The following CDH23 variants were observed in gnomAD, a reference collection of about 807,000 sequenced individuals.
CDH23 encodes the protein cadherin related 23.
In CDH23, 189 loss-of-function variants were observed where a neutral mutation model predicts 317.1. The ratio of observed to expected loss-of-function variants is 0.60; its 90% CI spans 0.53 to 0.67. The LOEUF is 0.67. Among genes scored for constraint, CDH23 ranks in the 30% least tolerant of loss-of-function variants. CDH23 has a pLI of 0.00. For synonymous variants in CDH23, 1,839 were observed against 1,876.8 expected (o/e 0.98, Z 0.52); for missense variants, 4,401 against 4,592.4 (o/e 0.96, Z 1.20).
At chr10:71,415,912 A>G (rs1455445892) in intron 1 of CDH23, among the ~76,000 whole-genome samples, 1 of 152,232 alleles carries the variant, frequency 6.6e-6, no homozygotes, top group Non-Finnish European at 1.5e-5. Flanking sequence ...ATGGCCCAGC[A>G]TGGGGAATTT....
chr10:71,728,250 T>C (rs772910293), intron 30 of CDH23, among the ~76,000 whole-genome samples: 1 of 152,102 alleles, frequency 6.6e-6, no homozygotes, highest in African/African-American at 2.4e-5. Flanking sequence ...AAGCCAAATT[T>C]AGGTTCCAGC....
rs483353051 is a variant in CDH23, at chr10:71,732,200, C to T, written c.3929C>T (p.Ala1310Val). The T allele has an allele frequency of 6.2e-7, 1 of 1,613,836 alleles. No individual in the cohort carries two copies. Among genetic ancestry groups the T allele is most frequent in the Middle Eastern group, 1.6e-4 (1 of 6,062 alleles). ...YITLLNELDE[A>V]VQFSNASYEA... Reference sequence around the variant, plus strand: ...ACTCTGCTCAACGAGCTGGACGAGGCCGTGCAGTTCTCCAATGCCTCATAC... The same window carrying T: ...ACTCTGCTCAACGAGCTGGACGAGGTCGTGCAGTTCTCCAATGCCTCATAC... Residue 1310 changes from alanine (A) to valine (V), a missense_variant, in exon 32 of 70, where the codon GCC becomes GTC. Physicochemically the swap from Ala to Val is moderately conservative, Grantham distance 64. This residue lies in a region of CDH23 where 3,068 missense variants were observed against 3,203.3 expected (regional missense o/e 0.96). Coordinates refer to ENST00000224721, the MANE Select transcript of CDH23 (RefSeq NM_022124.6).
rs757060803 is a variant in CDH23 at position 71,484,507 on chromosome 10, C to T, written c.146-25575C>T. On this transcript the variant is annotated intron_variant, in intron 3 of 69. Coordinates refer to ENST00000224721, the MANE Select transcript of CDH23 (RefSeq NM_022124.6). ...GCTGGGGAGGCTGGCACTCCCTGGG[C>T]CCCGGCGTTTGTGTGGCACTCAGGG... Among the ~76,000 whole-genome samples, 5 of 152,268 alleles carry T rather than the reference C, an allele frequency of 3.3e-5. No individual in the cohort carries two copies. In the South Asian group the frequency reaches 6.2e-4, roughly 19 times the overall value.
At chr10:71,404,717 T>C (rs1473546513) in intron 1 of CDH23, among the ~76,000 whole-genome samples, 2 of 152,236 alleles carry the variant, frequency 1.3e-5, no homozygotes, top group Non-Finnish European at 2.9e-5. Flanking sequence ...GGCCTGGCCC[T>C]GCAATCAGCC....
intron 6 of CDH23, among the ~76,000 whole-genome samples, chr10:71,546,264 C>G (rs1589190821): frequency 6.6e-6 from 1 of 152,318 alleles, no homozygotes; most frequent in East Asian, 1.9e-4. Flanking sequence ...ATCTTCCTCT[C>G]TACCTTTAGA....
At chr10:71,577,181 C>T (rs1175635583) in intron 8 of CDH23, among the ~76,000 whole-genome samples, 1 of 152,170 alleles carries the variant, frequency 6.6e-6, no homozygotes, top group East Asian at 1.9e-4. Context: ...CTCAGATGTT[C>T]TTGACTTCAT....
chr10:71,540,692 G>T (rs144556785), intron 6 of CDH23, among the ~76,000 whole-genome samples: 2 of 152,096 alleles, frequency 1.3e-5, no homozygotes, highest in African/African-American at 4.8e-5. Flanking sequence ...GCCGACCAGG[G>T]CCCCAGCTGA....
At chr10:71,778,834 C>A (rs1840880658) in intron 40 of CDH23, among the ~76,000 whole-genome samples, 1 of 152,206 alleles carries the variant, frequency 6.6e-6, no homozygotes, top group Admixed American at 6.5e-5. Flanking sequence ...CAGCTCACTG[C>A]AGACTCGACC....
At position 71,751,708 on chromosome 10, in the gene CDH23, CAG is replaced by C. The variant is rs1213829448; in HGVS notation, c.4845+9788_4845+9789del. 19 of 1,567,486 alleles carry C rather than the reference CAG, an allele frequency of 1.2e-5. No homozygotes were observed. Among genetic ancestry groups the C allele is most frequent in the Middle Eastern group, 2.0e-4 (1 of 4,942 alleles). Reference sequence around the variant, plus strand: ...AGACGTCTCCGGGGCCTGGAGGAGACAGGGGGGTGCTGGGCTCCGAAAGCAGA... The same window carrying C: ...AGACGTCTCCGGGGCCTGGAGGAGACGGGGGTGCTGGGCTCCGAAAGCAGA... On this transcript the variant is annotated intron_variant, in intron 38 of 69. Coordinates refer to ENST00000224721, the MANE Select transcript of CDH23 (RefSeq NM_022124.6). The surrounding 1 kb of genome is among the most constrained non-coding windows in gnomAD (Gnocchi z 4.9).
rs776354402 is a variant in CDH23, at chr10:71,566,806, G to C, written c.494G>C (p.Gly165Ala). 2 of 1,613,694 alleles carry C rather than the reference G, an allele frequency of 1.2e-6. No homozygotes were observed. Among genetic ancestry groups the C allele is most frequent in the South Asian group, 2.2e-5 (2 of 91,078 alleles). The change falls in exon 7 of 70, where the codon GGC becomes GCC. Residue 165 changes from glycine (G) to alanine (A), a missense_variant. Around this residue, in one of 3 missense-constraint regions of CDH23, gnomAD observed 3,068 missense variants for 3,203.3 expected, o/e 0.96. Transcript: ENST00000224721. ...NATDPDLGAG[G>A]SVLYSFQPPS... ...ACAGACCCCGACTTGGGGGCAGGGG[G>C]CAGCGTCCTCTACTCCTTCCAGCCC...
chr10:71,479,713 G>A (rs140932293), intron 3 of CDH23, among the ~76,000 whole-genome samples: 7 of 152,096 alleles, frequency 4.6e-5, no homozygotes, highest in South Asian at 2.1e-4. Flanking sequence ...GCAGGGGCCC[G>A]GTGAGGATCA....
chr10:71,774,047 GCGCGCACACACACACA>G (rs1840758016), intron 38 of CDH23, among the ~76,000 whole-genome samples: 1 of 116,688 alleles, frequency 8.6e-6, no homozygotes, highest in African/African-American at 3.2e-5. Flanking sequence ...GTGCATGCGC[GCGCGCACACACACACA>G]CACACACACA....
intron 3 of CDH23, among the ~76,000 whole-genome samples, chr10:71,458,652 C>T (rs1850817091): frequency 6.6e-6 from 1 of 152,232 alleles, no homozygotes; most frequent in African/African-American, 2.4e-5. Context: ...GCTACTTCAC[C>T]TCTCTCTGTC....
intron 68 of CDH23, among the ~76,000 whole-genome samples, 170 bp from the exon 69 acceptor site, chr10:71,813,074 A>G (rs1411340532): frequency 6.6e-6 from 1 of 152,146 alleles, no homozygotes. Context: ...CTCAGGAGTG[A>G]GTCCACCTGT....
rs764296071 is a variant in CDH23, at chr10:71,617,381, G to T, written c.1122G>T (p.Val374=). The T allele has an allele frequency of 2.0e-5, 32 of 1,613,430 alleles. No individual in the cohort carries two copies. The Admixed American group carries it at 4.2e-4, about 21-fold the overall frequency. ...CCCTTCCACTCTTCATCCAGGTGGT[G>T]GACAAGGATGAGGTGAGTCCCTGGA... is the stretch of plus-strand genomic sequence containing the variant. The part of the protein sequence containing the change: ...GFALPLFIQV[V]DKDENLGLNS... The change falls in exon 11 of 70, where the codon GTG becomes GTT. Residue 374 remains valine (V), a synonymous_variant. Transcript: ENST00000224721.
At chr10:71,674,410 A>G (rs2132662994) in intron 14 of CDH23, among the ~76,000 whole-genome samples, 1 of 152,338 alleles carries the variant, frequency 6.6e-6, no homozygotes, top group South Asian at 2.1e-4. Flanking sequence ...GAGATACCTT[A>G]AATATAAAAC....
intron 1 of CDH23, among the ~76,000 whole-genome samples, chr10:71,405,728 G>A (rs1162345527): frequency 2.0e-5 from 3 of 152,114 alleles, no homozygotes; most frequent in East Asian, 1.9e-4. Context: ...ATGAGCCATC[G>A]TGCCCAGCCA....
intron 3 of CDH23, among the ~76,000 whole-genome samples, chr10:71,466,025 C>T (rs1247810766): frequency 6.6e-6 from 1 of 152,160 alleles, no homozygotes; most frequent in African/African-American, 2.4e-5. Flanking sequence ...CTGCTGCTCC[C>T]CAGGGACGGC....
intron 16 of CDH23, among the ~76,000 whole-genome samples, chr10:71,678,347 A>G (rs1441548215): frequency 6.6e-6 from 1 of 152,184 alleles, no homozygotes; most frequent in Non-Finnish European, 1.5e-5. Context: ...CCACGAAGAC[A>G]TAGTCGGGTA....
Sources: allele counts gnomAD v4.1 joint callset (sites outside exome capture counted in the v4.1 genomes callset), GRCh38; gene constraint gnomAD v4.1.1; regional missense constraint gnomAD v4.1.1; non-coding constraint Gnocchi (gnomAD v3.1); transcripts MANE v1.5; gene names NCBI Gene and HGNC (gene_info 2026-07-23, HGNC 2026-07-21).